The following VAT1L variants were observed in gnomAD, a reference collection of about 807,000 sequenced individuals.
VAT1L encodes putative NADPH-dependent quinone oxidoreductase VAT1L.
VAT1L carries 34 observed loss-of-function variants against 44.1 expected under a neutral mutation model. The ratio of observed to expected loss-of-function variants is 0.77; its 90% CI spans 0.59 to 1.03. The LOEUF is 1.03. Among genes scored for constraint, VAT1L ranks in the 50% least tolerant of loss-of-function variants. The probability of loss-of-function intolerance (pLI) is 0.00; values close to 1 mark genes in which losing one functional copy is unlikely to be tolerated. For synonymous variants in VAT1L, 253 were observed against 202.2 expected, an observed-to-expected ratio of 1.25 and a Z score of -2.13; for missense variants, 615 against 538.8, an observed-to-expected ratio of 1.14 and a Z score of -1.40.
At chr16:77,946,143 T>G (rs1018870247) in intron 7 of VAT1L, among the ~76,000 whole-genome samples, 4 of 151,862 alleles carry the variant, frequency 2.6e-5, no homozygotes, top group African/African-American at 9.7e-5. Context: ...TACAAAAAAA[T>G]TTGTGGACTG....
intron 7 of VAT1L, among the ~76,000 whole-genome samples, chr16:77,928,549 A>T (rs534604864): frequency 6.6e-6 from 1 of 152,304 alleles, no homozygotes; most frequent in Non-Finnish European, 1.5e-5. Context: ...CTTGGATGTG[A>T]TGTGACAACC....
intron 1 of VAT1L, among the ~76,000 whole-genome samples, chr16:77,794,925 G>A (rs541802751): frequency 1.2e-4 from 19 of 152,298 alleles, no homozygotes; most frequent in Non-Finnish European, 2.4e-4. Flanking sequence ...ACTGGGGATG[G>A]TGACAATATC....
intron 7 of VAT1L, among the ~76,000 whole-genome samples, chr16:77,908,166 G>A (rs571639760): frequency 5.0e-4 from 76 of 151,766 alleles, no homozygotes; most frequent in Non-Finnish European, 8.4e-4. Context: ...GTGAACCCGG[G>A]AGGTGGAGCT....
intron 4 of VAT1L, among the ~76,000 whole-genome samples, chr16:77,874,677 C>G (rs551743318): frequency 5.1e-4 from 77 of 152,022 alleles, no homozygotes; most frequent in Non-Finnish European, 9.0e-4. Context: ...TCTAGAGCCC[C>G]TTAGTGGCAT....
At chr16:77,909,180 G>A (rs565420069) in intron 7 of VAT1L, among the ~76,000 whole-genome samples, 1 of 152,294 alleles carries the variant, frequency 6.6e-6, no homozygotes, top group Non-Finnish European at 1.5e-5. Context: ...ATGAGGCACA[G>A]AGGAGTAAAG....
chr16:77,909,139 T>C (rs896733212), intron 7 of VAT1L, among the ~76,000 whole-genome samples: 16 of 152,190 alleles, frequency 1.1e-4, no homozygotes, highest in African/African-American at 3.9e-4. Context: ...AAGTAGATGT[T>C]ATTATTTATC....
intron 7 of VAT1L, among the ~76,000 whole-genome samples, chr16:77,927,160 A>G (rs1424551238): frequency 6.6e-6 from 1 of 151,848 alleles, no homozygotes; most frequent in Non-Finnish European, 1.5e-5. Flanking sequence ...AACATGGTGA[A>G]ATCTCATCTC....
intron 1 of VAT1L, among the ~76,000 whole-genome samples, chr16:77,790,335 A>G (rs1409453355): frequency 6.6e-6 from 1 of 152,172 alleles, no homozygotes; most frequent in Non-Finnish European, 1.5e-5. Flanking sequence ...CTCTTATTGA[A>G]CCAAGTTGTT....
At position 77,816,709 on chromosome 16, in the gene VAT1L, A is replaced by G. The variant is rs181471158; in HGVS notation, c.234-212A>G. On this transcript the variant is annotated intron_variant, in intron 1 of 8. Transcript: ENST00000302536. ...TGCCACAAATGTATTGCTTATCTGC[A>G]TAGAGATAATTGAATTTTGCATTAT... is the stretch of plus-strand genomic sequence containing the variant. Among the ~76,000 whole-genome samples, 45 of 152,266 alleles carry G rather than the reference A, an allele frequency of 3.0e-4. 1 individual carries two copies. The highest frequency in any genetic ancestry group is 3.4e-3 in the Middle Eastern group (1 of 294).
At chr16:77,939,914 A>G (rs985580982) in intron 7 of VAT1L, among the ~76,000 whole-genome samples, 1 of 152,256 alleles carries the variant, frequency 6.6e-6, no homozygotes, top group Non-Finnish European at 1.5e-5. Context: ...TTTATATACA[A>G]TGATCAATTA....
At chr16:77,892,651 C>T in intron 7 of VAT1L, 1 of 707,862 alleles carries the variant, frequency 1.4e-6, no homozygotes, top group Non-Finnish European at 2.7e-6. Context: ...GTGGCAACTC[C>T]ATCTATGGAG....
intron 6 of VAT1L, among the ~76,000 whole-genome samples, chr16:77,881,232 C>T (rs766863563): frequency 6.6e-6 from 1 of 152,178 alleles, no homozygotes; most frequent in Non-Finnish European, 1.5e-5. Flanking sequence ...CTTCTATGTG[C>T]CAGTGCAGCG....
intron 3 of VAT1L, among the ~76,000 whole-genome samples, chr16:77,831,906 C>G (rs907005144): frequency 5.9e-5 from 9 of 151,794 alleles, no homozygotes; most frequent in Admixed American, 2.0e-4. Flanking sequence ...ACTTCTGCCT[C>G]CCGGCTTCAA....
At chr16:77,796,240 T>C (rs534315173) in intron 1 of VAT1L, among the ~76,000 whole-genome samples, 2 of 152,284 alleles carry the variant, frequency 1.3e-5, no homozygotes, top group East Asian at 3.9e-4. Context: ...CTCAACTATA[T>C]AGGGACCAGT....
At chr16:77,852,116 T>G (rs2016814186) in intron 3 of VAT1L, among the ~76,000 whole-genome samples, 1 of 152,110 alleles carries the variant, frequency 6.6e-6, no homozygotes, top group African/African-American at 2.4e-5. Context: ...CCTCCCAATC[T>G]CGGGGCTGCC....
chr16:77,952,961 C>T (rs1567520510), intron 7 of VAT1L, among the ~76,000 whole-genome samples: 2 of 149,366 alleles, frequency 1.3e-5, no homozygotes, highest in Non-Finnish European at 3.0e-5. Flanking sequence ...TATTTGGAAA[C>T]GGGGTTGTTG....
chr16:77,959,421 C>T (rs916712362), intron 7 of VAT1L, among the ~76,000 whole-genome samples: 6 of 152,110 alleles, frequency 3.9e-5, no homozygotes, highest in African/African-American at 1.2e-4. Flanking sequence ...ATCATCAATC[C>T]CTCCCAAAGA....
intron 7 of VAT1L, among the ~76,000 whole-genome samples, chr16:77,921,502 C>A (rs1304247329): frequency 6.6e-6 from 1 of 152,160 alleles, no homozygotes; most frequent in Non-Finnish European, 1.5e-5. Flanking sequence ...GACCACAGAT[C>A]CTTTAATTAG....
At chr16:77,964,518 CGTT>C (rs139105544) in intron 7 of VAT1L, among the ~76,000 whole-genome samples, 78 of 152,260 alleles carry the variant, frequency 5.1e-4, no homozygotes, top group African/African-American at 1.9e-3. Context: ...TTGCAAGAAT[CGTT>C]GTGGTTCCAT....
Sources: allele counts gnomAD v4.1 joint callset (sites outside exome capture counted in the v4.1 genomes callset), GRCh38; gene constraint gnomAD v4.1.1; transcripts MANE v1.5; gene names NCBI Gene and HGNC (gene_info 2026-07-23, HGNC 2026-07-21).